Variants in DNAH10 observed in about 807,000 individuals in gnomAD.
DNAH10 encodes dynein axonemal heavy chain 10, also known as axonemal beta dynein heavy chain 10.
DNAH10 carries 348 observed loss-of-function variants against 506.6 expected under a neutral mutation model. The ratio of observed to expected loss-of-function variants is 0.69; its 90% CI spans 0.63 to 0.75. The LOEUF (loss-of-function observed/expected upper bound fraction) is 0.75. Among genes scored for constraint, DNAH10 ranks in the 30% least tolerant of loss-of-function variants. The pLI, the probability that DNAH10 is intolerant of heterozygous loss-of-function variation, is 0.00. For synonymous variants in DNAH10, 2,059 were observed against 2,198.6 expected (o/e 0.94, Z 1.78); for missense variants, 5,179 against 5,787.1 (o/e 0.89, Z 3.41).
rs138272704 is a variant in DNAH10, at chr12:123,853,891, C to T, written c.6438+539C>T. Among the ~76,000 whole-genome samples the T allele has an allele frequency of 6.7e-6, 1 of 148,948 alleles. No homozygotes were observed. Among genetic ancestry groups the T allele is most frequent in the African/African-American group, 2.5e-5 (1 of 40,260 alleles). ...ACACACGGATACATGCACGCGCACACACGTACGCACGCACATGTACACATA... is the reference window on the plus strand; with the variant it reads ...ACACACGGATACATGCACGCGCACATACGTACGCACGCACATGTACACATA... On this transcript the variant is annotated intron_variant, in intron 36 of 78. Coordinates refer to ENST00000673944, the MANE Select transcript of DNAH10 (RefSeq NM_001372106.1). This position sits in a 1 kb window ranked among gnomAD's most constrained non-coding sequence, Gnocchi z 4.7.
chr12:123,925,058 C>A lies in DNAH10; in HGVS notation c.11775C>A (p.Asp3925Glu), dbSNP rs1204876536. The change falls in exon 68 of 79, where the codon GAC becomes GAA. Residue 3925 changes from aspartate to glutamate, a missense_variant. Around this residue, in one of 3 missense-constraint regions of DNAH10, gnomAD observed 4,844 missense variants for 5,430.5 expected, o/e 0.89. Coordinates refer to ENST00000673944, the MANE Select transcript of DNAH10 (RefSeq NM_001372106.1). The surrounding 1 kb of genome is among the most constrained non-coding windows in gnomAD (Gnocchi z 4.0). Reference sequence around the variant, plus strand: ...TTCTTTGCTTTTCCCAGTGGTATGACCTGGATTCACTGGAGCAGTTTCCCG... The same window carrying A: ...TTCTTTGCTTTTCCCAGTGGTATGAACTGGATTCACTGGAGCAGTTTCCCG... Reference protein sequence around the residue: ...NNQTVWQEWYDLDSLEQFPVP... With the variant: ...NNQTVWQEWYELDSLEQFPVP... 5 of 1,613,872 alleles carry A rather than the reference C, an allele frequency of 3.1e-6. No homozygotes were observed. In the Admixed American group the frequency reaches 8.3e-5, roughly 27 times the overall value.
chr12:123,892,519 A>T (rs1435694889), intron 52 of DNAH10, among the ~76,000 whole-genome samples: 1 of 152,208 alleles, frequency 6.6e-6, no homozygotes, highest in African/African-American at 2.4e-5. Flanking sequence ...GCGGACGCAG[A>T]TCCAAACCAC....
intron 30 of DNAH10, among the ~76,000 whole-genome samples, chr12:123,844,631 T>C (rs902569542): frequency 1.3e-5 from 2 of 152,182 alleles, no homozygotes; most frequent in Non-Finnish European, 2.9e-5. Flanking sequence ...ATGAAATTCT[T>C]TGTTGGAATT....
chr12:123,814,100 CTG>C (rs1284852238), intron 21 of DNAH10, 188 bp downstream of exon 21: 17 of 544,634 alleles, frequency 3.1e-5, no homozygotes, highest in Non-Finnish European at 4.9e-5. Flanking sequence ...ATTTTTCAAT[CTG>C]TATGGCTCAA....
intron 44 of DNAH10, 70 bp from the exon 45 acceptor site, chr12:123,871,387 C>T (rs1182558191): frequency 1.3e-5 from 20 of 1,532,792 alleles, no homozygotes; most frequent in Non-Finnish European, 1.8e-5. Context: ...TCTAGGACAA[C>T]TCCATGTTGC....
rs1951052669 is a variant in DNAH10 at position 123,848,780 on chromosome 12, C to T, written c.6000C>T (p.Cys2000=). 1 of 1,613,894 alleles carries T rather than the reference C, an allele frequency of 6.2e-7. No individual in the cohort carries two copies. Among genetic ancestry groups the T allele is most frequent in the Non-Finnish European group, 8.5e-7 (1 of 1,179,910 alleles). ...SGLAQCGAWG[C]FDEFNRIDAS... The stretch of plus-strand genomic sequence containing the variant: ...TGGCACAGTGCGGGGCTTGGGGCTG[C>T]TTTGATGAGTTTAATCGAATCGATG... Residue 2000 remains cysteine (C), a synonymous_variant, in exon 34 of 79, where the codon TGC becomes TGT. Coordinates refer to ENST00000673944, the MANE Select transcript of DNAH10 (RefSeq NM_001372106.1).
Position 123,785,898 on chromosome 12 carries a change from G to A in DNAH10, c.1383G>A (p.Glu461=), listed in dbSNP as rs753125598. The A allele has an allele frequency of 8.1e-6, 13 of 1,613,946 alleles. No individual in the cohort carries two copies. Among genetic ancestry groups the A allele is most frequent in the African/African-American group, 1.3e-5 (1 of 74,942 alleles). Residue 461 remains glutamate (E), a synonymous_variant, in exon 9 of 79, where the codon GAG becomes GAA. Coordinates refer to ENST00000673944, the MANE Select transcript of DNAH10 (RefSeq NM_001372106.1). This position sits in a 1 kb window ranked among gnomAD's most constrained non-coding sequence, Gnocchi z 4.1. ...AGCGCATCGCCTGGGAAATCGCTGAGAGAGTCTGCCGAGTGGTCAACCTGC... is the reference window on the plus strand; with the variant it reads ...AGCGCATCGCCTGGGAAATCGCTGAAAGAGTCTGCCGAGTGGTCAACCTGC... ...LMERIAWEIA[E]RVCRVVNLRT... is the part of the protein sequence containing the mutation.
At chr12:123,892,212 C>T (rs558279687) in intron 52 of DNAH10, among the ~76,000 whole-genome samples, 97 of 152,170 alleles carry the variant, frequency 6.4e-4, no homozygotes, top group Non-Finnish European at 1.2e-3. Context: ...CTCACAGTGC[C>T]GCAAGCTGTA....
In DNAH10 at chr12:123,835,507, C is replaced by T. The variant is rs1961041009; in HGVS notation, c.4881C>T (p.Asn1627=). Residue 1627 remains asparagine (N), a synonymous_variant, in exon 28 of 79, where the codon AAC becomes AAT. Coordinates refer to ENST00000673944, the MANE Select transcript of DNAH10 (RefSeq NM_001372106.1). ...QLPEEAKKFD[N]IDKVFKRIMG... is the part of the protein sequence containing the mutation. ...CGGAAGAGGCAAAAAAGTTTGACAA[C>T]ATCGATAAAGTATTTAAAAGGGCAA... 1 of 1,608,108 alleles carries T rather than the reference C, an allele frequency of 6.2e-7. No homozygotes were observed. The highest frequency in any genetic ancestry group is 8.5e-7 in the Non-Finnish European group (1 of 1,176,980).
rs746136261 is a variant in DNAH10, at chr12:123,929,673, G to A, written c.12526G>A (p.Glu4176Lys). The change falls in exon 72 of 79, where the codon GAA (glutamate) becomes AAA (lysine). Residue 4176 changes from glutamate (E) to lysine (K), a missense_variant. Physicochemically the swap from Glu to Lys is moderately conservative, Grantham distance 56 (BLOSUM62 1). Coordinates refer to ENST00000673944, the MANE Select transcript of DNAH10 (RefSeq NM_001372106.1). ...FNESDFQVCMEILNTYLTKAF... is the reference protein window; with the variant it reads ...FNESDFQVCMKILNTYLTKAF... ...GTTCTCTTCTTTCAAGGTCTGCATG[G>A]AAATTCTGAACACGTACTTAACGAA... The A allele has an allele frequency of 1.5e-5, 25 of 1,613,072 alleles. No homozygotes were observed. Among genetic ancestry groups the A allele is most frequent in the South Asian group, 1.4e-4 (13 of 90,822 alleles).
At chr12:123,795,303 A>G (rs1958237181) in intron 12 of DNAH10, among the ~76,000 whole-genome samples, 1 of 152,172 alleles carries the variant, frequency 6.6e-6, no homozygotes, top group South Asian at 2.1e-4. Context: ...GCTGGAACTA[A>G]TGACCACAGA....
chr12:123,897,170 A>G (rs1953288982), intron 54 of DNAH10, among the ~76,000 whole-genome samples: 1 of 152,204 alleles, frequency 6.6e-6, no homozygotes, highest in Non-Finnish European at 1.5e-5. Flanking sequence ...GTGTTTCAGC[A>G]TCGGAACTTC....
In DNAH10 at chr12:123,762,604, C is replaced by A; in HGVS notation, c.214+54C>A. 6.7e-7 allele frequency: 1 copy of A among 1,497,790 alleles called. No homozygotes were observed. 92.8% of individuals were successfully genotyped at this position (1,497,790 alleles called of 1,614,324 possible). On this transcript the variant is annotated intron_variant, in intron 1 of 78. Coordinates refer to ENST00000673944, the MANE Select transcript of DNAH10 (RefSeq NM_001372106.1). This position sits in a 1 kb window ranked among gnomAD's most constrained non-coding sequence, Gnocchi z 5.0. ...CGGGCTTCCCTCCTGCCCGTCCCGG[C>A]CTCTCCGGCGGGCGCCGGGGCTGCT...
At chr12:123,876,229 C>T (rs894025803) in intron 47 of DNAH10, among the ~76,000 whole-genome samples, 7 of 152,162 alleles carry the variant, frequency 4.6e-5, no homozygotes, top group African/African-American at 1.7e-4. Context: ...CATTTGCTTT[C>T]AAAACGGTGA....
intron 29 of DNAH10, 149 bp downstream of exon 29, chr12:123,838,838 G>A: frequency 1.4e-6 from 1 of 720,318 alleles, no homozygotes. Flanking sequence ...TTTGAGACAG[G>A]GTCTGGCTCT....
At chr12:123,934,418 C>T in intron 77 of DNAH10, 1 of 708,428 alleles carries the variant, frequency 1.4e-6, no homozygotes. Context: ...GGCAGGGCCA[C>T]AGGGTCTCCT....
intron 13 of DNAH10, 31 bp from the exon 14 acceptor site, chr12:123,799,215 C>CA (rs770912949): frequency 1.9e-6 from 3 of 1,572,332 alleles, no homozygotes; most frequent in South Asian, 2.4e-5. Flanking sequence ...TTTTCAAGGA[C>CA]AAAATGACGG....
In DNAH10 at chr12:123,814,609, A is replaced by ATTTTTTTTTTT. The variant is rs1214217837; in HGVS notation, c.3780+710_3780+720dup. Among the ~76,000 whole-genome samples the ATTTTTTTTTTT allele has an allele frequency of 1.7e-4, 20 of 121,188 alleles. 1 individual carries two copies. The highest frequency in any genetic ancestry group is 6.7e-4 in the African/African-American group (20 of 29,768). The allele number at this position is 121,188 out of a possible 152,430, so 79.5% of individuals were successfully genotyped here. ...TTGTATTTCTCCCTTGGCCAGGTAG[A>ATTTTTTTTTTT]TTTTTTTTTTTTTTTTTTTTTTTGA... On this transcript the variant is annotated intron_variant, in intron 21 of 78. Transcript: ENST00000673944.
chr12:123,898,774 C>T lies in DNAH10; in HGVS notation c.9600C>T (p.Cys3200=), dbSNP rs372322920. The change falls in exon 56 of 79, where the codon TGC becomes TGT. Residue 3200 remains cysteine (C), a synonymous_variant. Transcript: ENST00000673944. The part of the protein sequence containing the change: ...KIVLAEKSAA[C]EALLEEIAVN... ...TGCTGGCGGAGAAGTCCGCCGCCTGCGAGGCCTTGCTGGAGGAGATCGCCG... is the reference window on the plus strand; with the variant it reads ...TGCTGGCGGAGAAGTCCGCCGCCTGTGAGGCCTTGCTGGAGGAGATCGCCG... 4 of 1,612,006 alleles carry T rather than the reference C, an allele frequency of 2.5e-6. No individual in the cohort carries two copies. The highest frequency in any genetic ancestry group is 1.3e-5 in the African/African-American group (1 of 74,856).
Sources: gnomAD v4.1 joint callset for allele counts (sites outside exome capture counted in the v4.1 genomes callset) on GRCh38, gnomAD v4.1.1 for gene constraint, gnomAD v4.1.1 regional missense constraint, Gnocchi (gnomAD v3.1) non-coding constraint, MANE v1.5 for transcripts, NCBI Gene and HGNC (gene_info 2026-07-23, HGNC 2026-07-21) for gene names.